Variants in POSTN observed in about 807,000 individuals in gnomAD.
POSTN encodes periostin, also known as osteoblast specific factor 2 (fasciclin I-like).
POSTN carries 71 observed loss-of-function variants against 104.5 expected under a neutral mutation model. The observed-to-expected ratio is 0.68, with a 90% CI of 0.56 to 0.83. The LOEUF (loss-of-function observed/expected upper bound fraction) is 0.83. Ranked by LOEUF, POSTN falls within the 40% of genes least tolerant of loss-of-function variation. The pLI, the probability that POSTN is intolerant of heterozygous loss-of-function variation, is 0.00. For synonymous variants in POSTN, 355 were observed against 340.7 expected (o/e 1.04, Z -0.46); for missense variants, 949 against 1,006.8 (o/e 0.94, Z 0.78).
chr13:37,568,507 T>A (rs1469179262), intron 21 of POSTN, among the ~76,000 whole-genome samples: 1 of 152,002 alleles, frequency 6.6e-6, no homozygotes, highest in Non-Finnish European at 1.5e-5. Context: ...GCCTATTTGG[T>A]TTTTCTAAAG....
In POSTN at chr13:37,580,680, A is replaced by C. The variant is rs751832956; in HGVS notation, c.1410T>G (p.Asn470Lys). 1 of 1,613,906 alleles carries C rather than the reference A, an allele frequency of 6.2e-7. No individual in the cohort carries two copies. The change falls in exon 11 of 23, where the codon AAT becomes AAG. Residue 470 changes from asparagine to lysine, a missense_variant. By Grantham distance (94) the Asn-to-Lys change is moderately conservative (BLOSUM62 0). Transcript: ENST00000379747. ...GCTTACTCCCTTTCTCCATGCATGA[A>C]TTTTCAATGCAGACAGCCTAGGAAA... The part of the protein sequence containing the change: ...FVYRTAVCIE[N>K]SCMEKGSKQG...
intron 1 of POSTN, among the ~76,000 whole-genome samples, chr13:37,598,288 G>T (rs1434772759): frequency 6.6e-6 from 1 of 151,972 alleles, no homozygotes; most frequent in African/African-American, 2.4e-5. Context: ...CTCAATTTCA[G>T]ATTTTTGGAA....
Position 37,575,876 on chromosome 13 carries a change from T to C in POSTN, c.2009-1224A>G, listed in dbSNP as rs552189066. On this transcript the variant is annotated intron_variant, in intron 16 of 22. Transcript: ENST00000379747. The stretch of plus-strand genomic sequence containing the variant: ...TGTGTTTAGGTACTAGTTCCACAGG[T>C]GGTCTTGCCACAGAAGAACCTTTCC... Among the ~76,000 whole-genome samples, 4 of 152,254 alleles carry C rather than the reference T, an allele frequency of 2.6e-5. No homozygotes were observed. In the South Asian group the frequency reaches 8.3e-4, roughly 32 times the overall value.
intron 18 of POSTN, 34 bp from the exon 19 acceptor site, chr13:37,570,703 A>C (rs769420846): frequency 8.4e-6 from 11 of 1,308,166 alleles, no homozygotes; most frequent in Non-Finnish European, 1.2e-5. Flanking sequence ...CATTTGATTT[A>C]CCCTCATATT....
chr13:37,568,478 T>C (rs1950175377), intron 21 of POSTN, among the ~76,000 whole-genome samples: 1 of 152,062 alleles, frequency 6.6e-6, no homozygotes, highest in South Asian at 2.1e-4. Context: ...GTTTCTCAAT[T>C]AATAGTATAT....
At position 37,564,213 on chromosome 13, in the gene POSTN, T is replaced by C. The variant is rs866147644; in HGVS notation, c.2473+306A>G. On this transcript the variant is annotated intron_variant, in intron 22 of 22. Coordinates refer to ENST00000379747, the MANE Select transcript of POSTN (RefSeq NM_006475.3). ...ATATATATATATATATATATATATA[T>C]ATATATATATATATATGTATGGAGA... Among the ~76,000 whole-genome samples the C allele has an allele frequency of 4.7e-3, 620 of 132,914 alleles. 16 individuals are homozygous for C. The highest frequency in any genetic ancestry group is 0.011 in the South Asian group (48 of 4,194). The allele number at this position is 132,914 out of a possible 152,430, so 87.2% of individuals were successfully genotyped here.
intron 2 of POSTN, among the ~76,000 whole-genome samples, chr13:37,595,811 CTTTTT>C (rs5802886): frequency 7.3e-6 from 1 of 137,596 alleles, no homozygotes. Flanking sequence ...TATTTAGTAT[CTTTTT>C]TTTTTTTTTT....
intron 11 of POSTN, 28 bp downstream of exon 11, chr13:37,580,533 T>G: frequency 4.3e-6 from 7 of 1,613,238 alleles, no homozygotes; most frequent in Non-Finnish European, 5.9e-6. Context: ...GCTCTCATTC[T>G]CTGTGGAGGT....
intron 3 of POSTN, among the ~76,000 whole-genome samples, chr13:37,590,861 C>T (rs1950910359): frequency 6.6e-6 from 1 of 152,042 alleles, no homozygotes; most frequent in Non-Finnish European, 1.5e-5. Flanking sequence ...TTAAATCTAT[C>T]ATTTTTATAG....
Position 37,567,626 on chromosome 13 carries a change from G to A in POSTN, c.2431+1674C>T, listed in dbSNP as rs1362912129. On this transcript the variant is annotated intron_variant, in intron 21 of 22. Coordinates refer to ENST00000379747, the MANE Select transcript of POSTN (RefSeq NM_006475.3). ...TTAATTTTTTTTGTTTTTTCACAAT[G>A]CTATAATAGTTGACGTGGCATTGTG... Among the ~76,000 whole-genome samples the A allele has an allele frequency of 3.3e-5, 5 of 152,138 alleles. No homozygotes were observed. In the East Asian group the frequency reaches 9.7e-4, roughly 29 times the overall value.
chr13:37,570,495 C>G (rs1291679063), intron 19 of POSTN, 85 bp downstream of exon 19: 3 of 908,488 alleles, frequency 3.3e-6, no homozygotes, highest in Admixed American at 2.2e-5. Context: ...TGACTTGTTT[C>G]TTTAATGATT....
At chr13:37,572,127 C>G (rs1273437124) in intron 17 of POSTN, among the ~76,000 whole-genome samples, 1 of 151,594 alleles carries the variant, frequency 6.6e-6, no homozygotes, top group East Asian at 1.9e-4. Context: ...TTTGCTACCA[C>G]AGAAAATCAT....
chr13:37,580,569 C>A lies in POSTN; in HGVS notation c.1521G>T (p.Lys507Asn). 1 of 1,614,030 alleles carries A rather than the reference C, an allele frequency of 6.2e-7. No individual in the cohort carries two copies. The highest frequency in any genetic ancestry group is 8.5e-7 in the Non-Finnish European group (1 of 1,179,972). The change falls in exon 11 of 23, where the codon AAG becomes AAT. Residue 507 changes from lysine to asparagine, a missense_variant. Physicochemically the swap from Lys to Asn is moderately conservative, Grantham distance 94 (BLOSUM62 0). Transcript: ENST00000379747. Reference protein sequence around the residue: ...KSLHEKLKQDKRFSTFLSLLE... With the variant: ...KSLHEKLKQDNRFSTFLSLLE... ...GCCACTAATAGGCTTACCTAAAGCG[C>A]TTATCTTGTTTTAACTTTTCATGGA...
In POSTN at chr13:37,586,208, T is replaced by C; in HGVS notation, c.826A>G (p.Asn276Asp). 1 of 1,613,832 alleles carries C rather than the reference T, an allele frequency of 6.2e-7. No individual in the cohort carries two copies. The highest frequency in any genetic ancestry group is 8.5e-7 in the Non-Finnish European group (1 of 1,179,802). The change falls in exon 7 of 23, where the codon AAT becomes GAT. Residue 276 changes from asparagine to aspartate, a missense_variant. Coordinates refer to ENST00000379747, the MANE Select transcript of POSTN (RefSeq NM_006475.3). ...CGTGGAAGTTTCTCAAAAGCCTCAT[T>C]GGTGGGAGCAAAGAGTGTGAAGTGA... ...DGHFTLFAPT[N>D]EAFEKLPRGV...
chr13:37,570,823 A>C (rs571784152), intron 18 of POSTN, 154 bp from the exon 19 acceptor site: 23 of 579,752 alleles, frequency 4.0e-5, no homozygotes, highest in Admixed American at 2.1e-4. Context: ...CCCAAAAATC[A>C]TATCAATAGG....
intron 4 of POSTN, among the ~76,000 whole-genome samples, chr13:37,589,325 G>T (rs1030041461): frequency 6.6e-6 from 1 of 152,020 alleles, no homozygotes; most frequent in Non-Finnish European, 1.5e-5. Flanking sequence ...ATTCTTATAA[G>T]TTCCATTCTT....
Position 37,582,528 on chromosome 13 carries a change from C to T in POSTN, c.1244-14G>A. 3 of 1,580,054 alleles carry T rather than the reference C, an allele frequency of 1.9e-6. No homozygotes were observed. In the Admixed American group the frequency reaches 5.8e-5, roughly 30 times the overall value. ...TGAGAGTATCATCTGTAAATAAATT[C>T]ATTAAGAAAGAGCATTATTTTATTT... On this transcript the variant is annotated splice_polypyrimidine_tract_variant and intron_variant, in intron 9 of 22. Coordinates refer to ENST00000379747, the MANE Select transcript of POSTN (RefSeq NM_006475.3).
intron 3 of POSTN, among the ~76,000 whole-genome samples, chr13:37,590,795 A>G (rs1008827305): frequency 6.6e-6 from 1 of 152,154 alleles, no homozygotes; most frequent in Non-Finnish European, 1.5e-5. Context: ...ACCTATTTAG[A>G]TCTCAATCCT....
In POSTN at chr13:37,590,357, A is replaced by C. The variant is rs781114040; in HGVS notation, c.441+15T>G. The C allele has an allele frequency of 9.3e-6, 14 of 1,506,740 alleles. No homozygotes were observed. In the Admixed American group the frequency reaches 2.5e-4, roughly 27 times the overall value. 93.3% of individuals were successfully genotyped at this position (1,506,740 alleles called of 1,614,324 possible). The stretch of plus-strand genomic sequence containing the variant: ...ACAGCAAAAAATAAATATATTGATA[A>C]AAATAATGAATTACAGAATCCAAGT... On this transcript the variant is annotated intron_variant, in intron 4 of 22. Transcript: ENST00000379747.
Sources: allele counts gnomAD v4.1 joint callset (sites outside exome capture counted in the v4.1 genomes callset), GRCh38; gene constraint gnomAD v4.1.1; transcripts MANE v1.5; gene names NCBI Gene and HGNC (gene_info 2026-07-23, HGNC 2026-07-21).